Variants in N4BP2 observed in about 807,000 individuals in gnomAD.
The protein encoded by N4BP2 is NEDD4 binding protein 2, also known as NEDD4-binding protein 2.
In N4BP2, 91 loss-of-function variants were observed where a neutral mutation model predicts 152.8. The ratio of observed to expected loss-of-function variants is 0.60; its 90% confidence interval spans 0.50 to 0.71. N4BP2 has a LOEUF of 0.71. Ranked by LOEUF, N4BP2 falls within the 30% of genes least tolerant of loss-of-function variation. The pLI is 0.00. For synonymous variants in N4BP2, 646 were observed against 705.3 expected, an observed-to-expected ratio of 0.92 and a Z score of 1.33; for missense variants, 1,923 against 2,059.1, an observed-to-expected ratio of 0.93 and a Z score of 1.28.
At chr4:40,179,410 AC>A in the N4BP2 span, among the ~76,000 whole-genome samples, 1 of 152,132 alleles carries the variant, frequency 6.6e-6, no homozygotes. Flanking sequence ...ATTTTGGAAA[AC>A]TACCATTGAG....
At chr4:40,184,821 T>A in the N4BP2 span, among the ~76,000 whole-genome samples, 105 of 152,194 alleles carry the variant, frequency 6.9e-4, no homozygotes, top group Middle Eastern at 6.8e-3. Context: ...CTGGGCGTGG[T>A]GGCACACATT....
intron 4 of N4BP2, among the ~76,000 whole-genome samples, chr4:40,104,675 G>A (rs892674801): frequency 5.9e-5 from 9 of 152,074 alleles, no homozygotes; most frequent in Non-Finnish European, 1.0e-4. Flanking sequence ...AGGTTTCAGG[G>A]GCCTTTAGAA....
chr4:40,174,179 C>A, the N4BP2 span, among the ~76,000 whole-genome samples: 1 of 151,854 alleles, frequency 6.6e-6, no homozygotes, highest in Non-Finnish European at 1.5e-5. Flanking sequence ...GAGTTCGAGA[C>A]CAGCCTGGGC....
At chr4:40,136,728 A>G (rs991352531) in intron 13 of N4BP2, among the ~76,000 whole-genome samples, 1 of 152,144 alleles carries the variant, frequency 6.6e-6, no homozygotes, top group Admixed American at 6.5e-5. Flanking sequence ...ATTTTTTGAA[A>G]ATTAGCTTTT....
At position 40,107,152 on chromosome 4, in the gene N4BP2, T is replaced by G. The variant is rs1448227526; in HGVS notation, c.1498+128T>G. ...TCTCGCTGTGTTGCACAGGCTAGAGTGCAGTGGCATGATCTTGGCTCACTG... is the reference window on the plus strand; with the variant it reads ...TCTCGCTGTGTTGCACAGGCTAGAGGGCAGTGGCATGATCTTGGCTCACTG... On this transcript the variant is annotated intron_variant, in intron 5 of 17. Transcript: ENST00000261435. 12 of 869,526 alleles carry G rather than the reference T, an allele frequency of 1.4e-5. No individual in the cohort carries two copies. The East Asian group carries it at 2.9e-4, about 21-fold the overall frequency. The allele number at this position is 869,526 out of a possible 1,614,324, so 53.9% of individuals were successfully genotyped here.
Position 40,120,796 on chromosome 4 carries a change from A to G in N4BP2, c.2685A>G (p.Glu895=), listed in dbSNP as rs1164366523. Residue 895 remains glutamate, a synonymous_variant, in exon 9 of 18, where the codon GAA becomes GAG. Coordinates refer to ENST00000261435, the MANE Select transcript of N4BP2 (RefSeq NM_018177.6). ...WPSSDSLAQR[E]HRSRMPKTGL... ...CATCTGATTCTTTAGCTCAGAGGGA[A>G]CACAGATCAAGAATGCCAAAGACTG... is the stretch of plus-strand genomic sequence containing the variant. 1 of 1,614,168 alleles carries G rather than the reference A, an allele frequency of 6.2e-7. No homozygotes were observed. Among genetic ancestry groups the G allele is most frequent in the South Asian group, 1.1e-5 (1 of 91,080 alleles).
chr4:40,070,359 C>T (rs978005122), intron 1 of N4BP2, among the ~76,000 whole-genome samples: 8 of 152,290 alleles, frequency 5.3e-5, no homozygotes, highest in South Asian at 2.1e-4. Flanking sequence ...CTTCAGATCT[C>T]GCCAAGGAAA....
rs1718396732 is a variant in N4BP2, at chr4:40,126,246, G to A, written c.4443G>A (p.Leu1481=). The part of the protein sequence containing the change: ...TLTASEMLPL[L]DHWNTQTKKV... ...CAGCATCTGAAATGCTACCTTTATT[G>A]GATCATTGGAATACTCAAACTAAAA... The change falls in exon 12 of 18, where the codon TTG becomes TTA. Residue 1481 remains leucine (L), a synonymous_variant. Coordinates refer to ENST00000261435, the MANE Select transcript of N4BP2 (RefSeq NM_018177.6). 1.9e-6 allele frequency: 3 copies of A among 1,604,696 alleles called. No homozygotes were observed. In the Admixed American group the frequency reaches 5.1e-5, roughly 27 times the overall value.
At chr4:40,073,283 A>G (rs539419202) in intron 1 of N4BP2, among the ~76,000 whole-genome samples, 172 bp from the exon 2 acceptor site, 4 of 152,270 alleles carry the variant, frequency 2.6e-5, no homozygotes, top group Admixed American at 6.6e-5. Context: ...TCAGAGTGCA[A>G]TAGTCACCTC....
Position 40,082,275 on chromosome 4 carries a change from C to CAAAAA in N4BP2, c.-115+8741_-115+8745dup, listed in dbSNP as rs370100487. On this transcript the variant is annotated intron_variant, in intron 2 of 17. Transcript: ENST00000261435. ...TGGGCGACAGAGCGAGACCCTGTCT[C>CAAAAA]AAAAAAAAAAAAAAAAAAAAATTAT... Among the ~76,000 whole-genome samples, 528 of 94,508 alleles carry CAAAAA rather than the reference C, an allele frequency of 5.6e-3. 9 individuals are homozygous for CAAAAA. Among genetic ancestry groups the CAAAAA allele is most frequent in the Middle Eastern group, 0.012 (2 of 170 alleles). The allele number at this position is 94,508 out of a possible 152,430, so 62.0% of individuals were successfully genotyped here.
At chr4:40,113,411 T>G (rs921293811) in intron 6 of N4BP2, 21 bp from the exon 7 acceptor site, 3 of 1,524,462 alleles carry the variant, frequency 2.0e-6, no homozygotes, top group Non-Finnish European at 2.7e-6. Context: ...TTTAAAATGT[T>G]TTTGTCTTTG....
At chr4:40,064,375 A>G (rs1157755340) in intron 1 of N4BP2, among the ~76,000 whole-genome samples, 1 of 151,896 alleles carries the variant, frequency 6.6e-6, no homozygotes, top group African/African-American at 2.4e-5. Flanking sequence ...CTTGGGTTCA[A>G]GTGATTCTCC....
At chr4:40,187,543 C>T in the N4BP2 span, among the ~76,000 whole-genome samples, 1 of 152,118 alleles carries the variant, frequency 6.6e-6, no homozygotes, top group East Asian at 1.9e-4. Context: ...TGGTCTCAAA[C>T]TCCTGGGCTC....
chr4:40,106,116 G>A lies in N4BP2; in HGVS notation c.1374-784G>A, dbSNP rs560408740. 1.2e-4 allele frequency among the ~76,000 whole-genome samples: 19 copies of A among 152,230 alleles called. 1 individual carries two copies. The East Asian group carries it at 3.5e-3, about 28-fold the overall frequency. ...TTCAGAAAAGGATAATTAAAAATTT[G>A]TTAATCTTCTAACCATTATAAAGAT... On this transcript the variant is annotated intron_variant, in intron 4 of 17. Transcript: ENST00000261435.
At chr4:40,186,541 G>A in the N4BP2 span, among the ~76,000 whole-genome samples, 2 of 152,202 alleles carry the variant, frequency 1.3e-5, no homozygotes, top group Non-Finnish European at 2.9e-5. Flanking sequence ...AACAGGCCAC[G>A]GGTGGGTACT....
intron 4 of N4BP2, among the ~76,000 whole-genome samples, chr4:40,104,807 CTTTTTT>C (rs397976537): frequency 1.8e-3 from 258 of 142,564 alleles, no homozygotes; most frequent in African/African-American, 6.2e-3. Context: ...CCTGCGTTGT[CTTTTTT>C]TTTTTTTTGG....
rs371251788 is a variant in N4BP2, at chr4:40,112,192, A to G, written c.1587+20A>G. On this transcript the variant is annotated intron_variant, in intron 6 of 17. Transcript: ENST00000261435. ...GCTTTGGTTAGTACCATAAGTTGTC[A>G]TAAGTTTATAACAGTTTGTATGCAA... 6.4e-5 allele frequency: 86 copies of G among 1,340,594 alleles called. No homozygotes were observed. The South Asian group carries it at 1.0e-3, about 16-fold the overall frequency. 83.0% of individuals were successfully genotyped at this position (1,340,594 alleles called of 1,614,324 possible).
At chr4:40,124,759 G>C (rs542322279) in intron 11 of N4BP2, among the ~76,000 whole-genome samples, 1 of 152,190 alleles carries the variant, frequency 6.6e-6, no homozygotes, top group East Asian at 1.9e-4. Flanking sequence ...GAACACCTAG[G>C]GTATGCTCTC....
intron 11 of N4BP2, among the ~76,000 whole-genome samples, chr4:40,125,183 T>A (rs1001115751): frequency 2.6e-5 from 4 of 152,162 alleles, no homozygotes; most frequent in African/African-American, 9.7e-5. Flanking sequence ...CTACAGCTGA[T>A]GTAGGGATAG....
Sources: allele counts gnomAD v4.1 joint callset (sites outside exome capture counted in the v4.1 genomes callset), GRCh38; gene constraint gnomAD v4.1.1; transcripts MANE v1.5; gene names NCBI Gene and HGNC (gene_info 2026-07-23, HGNC 2026-07-21).